The following QTMAN variants were observed in gnomAD, a reference collection of about 807,000 sequenced individuals.
QTMAN encodes the protein queuosine-tRNA mannosyltransferase.
At chr2:144,104,849 G>A in the QTMAN span, among the ~76,000 whole-genome samples, 1 of 152,164 alleles carries the variant, frequency 6.6e-6, no homozygotes, top group Admixed American at 6.5e-5. Flanking sequence ...TAACTGGGAG[G>A]CACCCCCCAG....
chr2:143,939,755 A>G, the QTMAN span: 1 of 152,126 alleles, frequency 6.6e-6, no homozygotes, highest in Non-Finnish European at 1.5e-5. Context: ...TTAGTAAAAT[A>G]CTCAAGACCT....
At chr2:144,019,124 C>G in the QTMAN span, among the ~76,000 whole-genome samples, 2 of 152,004 alleles carry the variant, frequency 1.3e-5, no homozygotes, top group African/African-American at 2.4e-5. Flanking sequence ...CAGGGAGAGG[C>G]CTTTCTGCCC....
the QTMAN span, among the ~76,000 whole-genome samples, chr2:143,991,704 C>T: frequency 7.0e-5 from 10 of 142,058 alleles, no homozygotes; most frequent in Non-Finnish European, 1.1e-4. Flanking sequence ...CAGCCCGCCG[C>T]CCGGCCAGTC....
At chr2:144,024,229 T>C in the QTMAN span, among the ~76,000 whole-genome samples, 1 of 152,226 alleles carries the variant, frequency 6.6e-6, no homozygotes, top group Non-Finnish European at 1.5e-5. Context: ...CATTCCAATT[T>C]TATAGGACTC....
chr2:144,072,928 C>G, the QTMAN span, among the ~76,000 whole-genome samples: 18 of 152,306 alleles, frequency 1.2e-4, no homozygotes, highest in African/African-American at 4.3e-4. Flanking sequence ...GTTGGGACAT[C>G]TTGAAGCAGA....
chr2:144,037,873 T>C, the QTMAN span, among the ~76,000 whole-genome samples: 1 of 152,206 alleles, frequency 6.6e-6, no homozygotes. Flanking sequence ...CTTTTTGCAA[T>C]ATAGCATTTC....
chr2:144,118,708 C>A, the QTMAN span, among the ~76,000 whole-genome samples: 1 of 151,994 alleles, frequency 6.6e-6, no homozygotes, highest in South Asian at 2.1e-4. Context: ...ATGGAAACCC[C>A]GTCTCTGCTA....
At chr2:143,949,582 T>C in the QTMAN span, among the ~76,000 whole-genome samples, 1 of 151,948 alleles carries the variant, frequency 6.6e-6, no homozygotes, top group Non-Finnish European at 1.5e-5. Context: ...TCCTTTTAGA[T>C]CTTAGAAGCA....
the QTMAN span, among the ~76,000 whole-genome samples, chr2:144,195,855 T>C: frequency 6.6e-6 from 1 of 152,098 alleles, no homozygotes; most frequent in Non-Finnish European, 1.5e-5. Flanking sequence ...ATAATATTGC[T>C]ACTAAAATAA....
At chr2:144,183,851 A>G in the QTMAN span, among the ~76,000 whole-genome samples, 1 of 152,136 alleles carries the variant, frequency 6.6e-6, no homozygotes, top group East Asian at 1.9e-4. Context: ...GCACACACTC[A>G]TCTGGTTTGA....
At chr2:144,110,812 C>T in the QTMAN span, among the ~76,000 whole-genome samples, 1 of 151,922 alleles carries the variant, frequency 6.6e-6, no homozygotes, top group Admixed American at 6.6e-5. Context: ...GGAGTGATAT[C>T]ATCTTTCCCA....
At chr2:144,303,372 G>A in the QTMAN span, among the ~76,000 whole-genome samples, 1 of 152,114 alleles carries the variant, frequency 6.6e-6, no homozygotes, top group Non-Finnish European at 1.5e-5. Flanking sequence ...GAATAATGAA[G>A]ATGATTTATT....
chr2:144,195,960 A>G, the QTMAN span, among the ~76,000 whole-genome samples: 12 of 152,140 alleles, frequency 7.9e-5, no homozygotes, highest in Admixed American at 7.9e-4. Context: ...GGATTCTTAA[A>G]TCTTTGCAGT....
chr2:144,045,350 CTTTTA>C, the QTMAN span, among the ~76,000 whole-genome samples: 1 of 152,200 alleles, frequency 6.6e-6, no homozygotes, highest in Non-Finnish European at 1.5e-5. Flanking sequence ...ATGTCTTTGA[CTTTTA>C]TTTTGCCAAT....
At chr2:144,300,760 TA>T in the QTMAN span, among the ~76,000 whole-genome samples, 4,083 of 151,996 alleles carry the variant, frequency 0.027, 172 homozygotes, top group African/African-American at 0.093. Flanking sequence ...GAAGCTGGGA[TA>T]GGGGTGGAAA....
chr2:143,945,143 T>G, the QTMAN span: 6 of 152,366 alleles, frequency 3.9e-5, no homozygotes, highest in Admixed American at 2.6e-4. Flanking sequence ...TCTCAGTAGA[T>G]GGCATAAAGT....
chr2:144,089,118 A>G, the QTMAN span, among the ~76,000 whole-genome samples: 10 of 152,198 alleles, frequency 6.6e-5, no homozygotes, highest in Admixed American at 4.6e-4. Context: ...CTCAACAGGA[A>G]AAAAGTAATA....
the QTMAN span, among the ~76,000 whole-genome samples, chr2:144,208,326 T>C: frequency 2.0e-5 from 3 of 152,058 alleles, no homozygotes; most frequent in Non-Finnish European, 2.9e-5. Context: ...AGGCCAAAAA[T>C]TGTTACCCAT....
chr2:143,962,748 G>T, the QTMAN span, among the ~76,000 whole-genome samples: 1 of 152,182 alleles, frequency 6.6e-6, no homozygotes, highest in Admixed American at 6.5e-5. Flanking sequence ...GTAGAGAAGA[G>T]AAAGAGGCAA....
Sources: allele counts gnomAD v4.1 joint callset (sites outside exome capture counted in the v4.1 genomes callset), GRCh38; gene constraint gnomAD v4.1.1; transcripts MANE v1.5; gene names NCBI Gene and HGNC (gene_info 2026-07-23, HGNC 2026-07-21).